Variants in PTTG1IP observed in about 807,000 individuals in gnomAD.
The protein encoded by PTTG1IP is pituitary tumor-transforming gene 1 protein-interacting protein.
In PTTG1IP, 16 loss-of-function variants were observed where a neutral mutation model predicts 24.4. The observed-to-expected ratio is 0.66, with a 90% CI of 0.44 to 1.00. The LOEUF (loss-of-function observed/expected upper bound fraction) is 1.00. PTTG1IP is among the 50% of genes least tolerant of loss of function. PTTG1IP has a pLI of 0.00. For missense variants in PTTG1IP, 241 were observed against 245.8 expected (o/e 0.98, Z 0.13); for synonymous variants, 89 against 96.8 (o/e 0.92, Z 0.47).
rs2146478735 is a variant in PTTG1IP, at chr21:44,873,665, C to T, written c.-49G>A. On this transcript the variant is annotated 5_prime_UTR_variant, in exon 1 of 6. Coordinates refer to ENST00000330938, the MANE Select transcript of PTTG1IP (RefSeq NM_004339.4). Reference sequence around the variant, plus strand: ...CAGTGGAGCGTTACAACTCCGACTCCAGCACAAGCGGTCTCCGCCCGGAAC... The same window carrying T: ...CAGTGGAGCGTTACAACTCCGACTCTAGCACAAGCGGTCTCCGCCCGGAAC... 6.8e-6 allele frequency: 9 copies of T among 1,320,566 alleles called. No individual in the cohort carries two copies. Among genetic ancestry groups the T allele is most frequent in the Non-Finnish European group, 8.7e-6 (9 of 1,030,976 alleles). The allele number at this position is 1,320,566 out of a possible 1,614,324, so 81.8% of individuals were successfully genotyped here. A position where few individuals can be genotyped will look rare whatever the true frequency, so the allele number is the denominator to read the frequency against.
At chr21:44,866,073 A>G (rs1302227689) in intron 1 of PTTG1IP, among the ~76,000 whole-genome samples, 2 of 151,908 alleles carry the variant, frequency 1.3e-5, no homozygotes, top group African/African-American at 4.8e-5. Context: ...CCACTACTCA[A>G]AGCGCTGCTA....
intron 5 of PTTG1IP, among the ~76,000 whole-genome samples, chr21:44,853,352 C>T (rs1313809117): frequency 6.6e-6 from 1 of 151,866 alleles, no homozygotes; most frequent in African/African-American, 2.4e-5. Flanking sequence ...CTAAAAAATA[C>T]AAAAAATTAG....
rs1449079804 is a variant in PTTG1IP, at chr21:44,852,909, C to T, written c.497-1282G>A. 2.0e-5 allele frequency among the ~76,000 whole-genome samples: 3 copies of T among 152,216 alleles called. No individual in the cohort carries two copies. The East Asian group carries it at 5.8e-4, about 29-fold the overall frequency. The stretch of plus-strand genomic sequence containing the variant: ...AATTCTTCTAACTAGCCGAGGCTTT[C>T]CAAAGCACAGGCCATTCAATGGCTT... On this transcript the variant is annotated intron_variant, in intron 5 of 5. Coordinates refer to ENST00000330938, the MANE Select transcript of PTTG1IP (RefSeq NM_004339.4).
At chr21:44,857,139 C>A (rs2083455642) in intron 3 of PTTG1IP, among the ~76,000 whole-genome samples, 1 of 152,196 alleles carries the variant, frequency 6.6e-6, no homozygotes, top group Admixed American at 6.5e-5. Flanking sequence ...TTAAAAAATA[C>A]CCTAAAACTA....
At chr21:44,853,264 C>T (rs1457786962) in intron 5 of PTTG1IP, among the ~76,000 whole-genome samples, 2 of 152,138 alleles carry the variant, frequency 1.3e-5, no homozygotes, top group Non-Finnish European at 2.9e-5. Context: ...TCCCAGCACT[C>T]TGGGAGGCCG....
chr21:44,868,652 C>G (rs917822358), intron 1 of PTTG1IP, among the ~76,000 whole-genome samples: 1 of 152,128 alleles, frequency 6.6e-6, no homozygotes, highest in Non-Finnish European at 1.5e-5. Flanking sequence ...AACTCTAACC[C>G]CTAGAAGCCA....
intron 2 of PTTG1IP, among the ~76,000 whole-genome samples, chr21:44,863,445 C>T (rs1601252978): frequency 6.6e-6 from 1 of 152,332 alleles, no homozygotes; most frequent in Non-Finnish European, 1.5e-5. Flanking sequence ...GTAGGGCAAG[C>T]GGCCCTCTTC....
intron 2 of PTTG1IP, among the ~76,000 whole-genome samples, chr21:44,864,247 G>C (rs116777060): frequency 6.6e-6 from 1 of 152,186 alleles, no homozygotes; most frequent in African/African-American, 2.4e-5. Context: ...CAGGTTTCCC[G>C]TGCTGATTTC....
intron 3 of PTTG1IP, among the ~76,000 whole-genome samples, chr21:44,856,921 G>A (rs2838711): frequency 0.075 from 11,374 of 152,188 alleles, 429 homozygotes; most frequent in Non-Finnish European, 0.088. Flanking sequence ...GAACAAGACG[G>A]GATCATCTTC....
intron 1 of PTTG1IP, among the ~76,000 whole-genome samples, chr21:44,869,233 TG>T (rs1381020652): frequency 6.6e-6 from 1 of 152,238 alleles, no homozygotes; most frequent in Non-Finnish European, 1.5e-5. Flanking sequence ...AGGACATTGT[TG>T]GGGTAACTGT....
rs2083399555 is a variant in PTTG1IP, at chr21:44,849,975, T to C, written c.*1606A>G. ...TGCAATACTTTACTACAAATACAAA[T>C]GCCCAAGAGGTCAGGGAAATCAGCC... On this transcript the variant is annotated 3_prime_UTR_variant, in exon 6 of 6. Transcript: ENST00000330938. The C allele has an allele frequency of 6.6e-6, 1 of 152,192 alleles. No individual in the cohort carries two copies. The highest frequency in any genetic ancestry group is 2.1e-4 in the South Asian group (1 of 4,832). The allele number at this position is 152,192 out of a possible 1,614,324, so 9.4% of individuals were successfully genotyped here.
chr21:44,867,304 G>A (rs542726268), intron 1 of PTTG1IP, among the ~76,000 whole-genome samples: 59 of 152,308 alleles, frequency 3.9e-4, no homozygotes, highest in Admixed American at 1.2e-3. Flanking sequence ...GGATGAGTCT[G>A]AAGCACATCA....
chr21:44,872,552 T>C (rs2083596061), intron 1 of PTTG1IP, among the ~76,000 whole-genome samples: 1 of 152,202 alleles, frequency 6.6e-6, no homozygotes. Flanking sequence ...GAAGCCAGCA[T>C]GACATTGTGA....
chr21:44,868,666 T>C (rs1182830857), intron 1 of PTTG1IP, among the ~76,000 whole-genome samples: 1 of 152,140 alleles, frequency 6.6e-6, no homozygotes, highest in Non-Finnish European at 1.5e-5. Context: ...GAAGCCACAC[T>C]GACATGAAAT....
Position 44,857,685 on chromosome 21 carries a change from C to T in PTTG1IP, c.278-1321G>A, listed in dbSNP as rs78567331. Among the ~76,000 whole-genome samples, 551 of 152,360 alleles carry T rather than the reference C, an allele frequency of 3.6e-3. 3 individuals carry two copies. Among genetic ancestry groups the T allele is most frequent in the East Asian group, 0.013 (70 of 5,190 alleles). The stretch of plus-strand genomic sequence containing the variant: ...GCCTGGGCCCTGGCAAGGAGGCCGA[C>T]GGCCAGGCCTCTGGGGCTCCCGCAG... On this transcript the variant is annotated intron_variant, in intron 3 of 5. Transcript: ENST00000330938.
chr21:44,865,684 G>C, intron 1 of PTTG1IP: 1 of 596,246 alleles, frequency 1.7e-6, no homozygotes, highest in Non-Finnish European at 3.0e-6. Context: ...TAAACATGCG[G>C]CTCCTATCCA....
intron 3 of PTTG1IP, 137 bp from the exon 4 acceptor site, chr21:44,856,501 G>T: frequency 2.1e-6 from 2 of 972,240 alleles, no homozygotes; most frequent in Non-Finnish European, 3.0e-6. Context: ...CAGGCTGCTG[G>T]CTCCTGGCGT....
rs376599030 is a variant in PTTG1IP, at chr21:44,861,145, A to G, written c.277+18T>C. 3 of 1,597,202 alleles carry G rather than the reference A, an allele frequency of 1.9e-6. No homozygotes were observed. In the African/African-American group the frequency reaches 4.1e-5, roughly 22 times the overall value. On this transcript the variant is annotated intron_variant, in intron 3 of 5. Coordinates refer to ENST00000330938, the MANE Select transcript of PTTG1IP (RefSeq NM_004339.4). The stretch of plus-strand genomic sequence containing the variant: ...GAAGCATCGATTTTGCAAGCAGCAA[A>G]TGAAAACAATGACTTACCCCAACAA...
At chr21:44,866,111 C>T (rs1238020790) in intron 1 of PTTG1IP, among the ~76,000 whole-genome samples, 2 of 151,986 alleles carry the variant, frequency 1.3e-5, no homozygotes, top group Non-Finnish European at 2.9e-5. Context: ...CTCCACGCAG[C>T]CAACAGCTCT....
Sources: allele counts gnomAD v4.1 joint callset (sites outside exome capture counted in the v4.1 genomes callset), GRCh38; gene constraint gnomAD v4.1.1; transcripts MANE v1.5; gene names NCBI Gene and HGNC (gene_info 2026-07-23, HGNC 2026-07-21).